WASF1: variants seen among roughly 807,000 people sequenced by gnomAD.
The protein encoded by WASF1 is actin-binding protein WASF1.
A neutral mutation model predicts 50.5 loss-of-function variants in WASF1; 7 were observed. That is an observed-to-expected ratio of 0.14 (90% CI 0.08 to 0.26). WASF1 has a LOEUF of 0.26. WASF1 is among the 10% of genes least tolerant of loss of function. The pLI is 1.00. For synonymous variants in WASF1, 205 were observed against 244.0 expected (o/e 0.84, Z 1.49); for missense variants, 470 against 694.7 (o/e 0.68, Z 3.64).
intron 4 of WASF1, among the ~76,000 whole-genome samples, chr6:110,120,806 C>T (rs1165156294): frequency 6.6e-6 from 1 of 152,174 alleles, no homozygotes; most frequent in Non-Finnish European, 1.5e-5. Context: ...GCTACAGTAA[C>T]CAAAACAGCA....
At chr6:110,138,415 G>A (rs1321035597) in intron 3 of WASF1, among the ~76,000 whole-genome samples, 1 of 152,256 alleles carries the variant, frequency 6.6e-6, no homozygotes, top group African/African-American at 2.4e-5. Flanking sequence ...AATGTGGCAA[G>A]TGAGGATCAT....
At chr6:110,115,415 C>T (rs1490922489) in intron 4 of WASF1, among the ~76,000 whole-genome samples, 2 of 151,808 alleles carry the variant, frequency 1.3e-5, no homozygotes, top group Non-Finnish European at 2.9e-5. Context: ...AACAAGAAGG[C>T]ATGGACAATG....
At chr6:110,107,655 T>C (rs919005594) in intron 6 of WASF1, among the ~76,000 whole-genome samples, 9 of 152,198 alleles carry the variant, frequency 5.9e-5, no homozygotes, top group African/African-American at 1.9e-4. Flanking sequence ...GTCACATTTA[T>C]ATCTAATTAT....
chr6:110,131,331 T>C (rs1478174939), intron 3 of WASF1, among the ~76,000 whole-genome samples: 1 of 152,216 alleles, frequency 6.6e-6, no homozygotes, highest in Non-Finnish European at 1.5e-5. Flanking sequence ...AATGGTGTGA[T>C]GTAGCAGTTA....
intron 4 of WASF1, among the ~76,000 whole-genome samples, chr6:110,124,264 CTCTCTCTCTCT>C (rs1562170372): frequency 3.7e-4 from 23 of 62,774 alleles, no homozygotes; most frequent in African/African-American, 1.8e-3. Context: ...CTCTCTCTCT[CTCTCTCTCTCT>C]ATATATATAT....
intron 2 of WASF1, among the ~76,000 whole-genome samples, chr6:110,163,456 G>C (rs1776344840): frequency 6.6e-6 from 1 of 151,444 alleles, no homozygotes. Flanking sequence ...AAGCTCGAGA[G>C]AGTGCTATGG....
At chr6:110,161,201 T>TTA (rs1287900548) in intron 2 of WASF1, among the ~76,000 whole-genome samples, 3 of 151,632 alleles carry the variant, frequency 2.0e-5, no homozygotes, top group African/African-American at 7.3e-5. Context: ...TTTACTTATG[T>TTA]TATAGTCTTT....
chr6:110,153,560 T>C (rs72934088), intron 3 of WASF1, among the ~76,000 whole-genome samples: 17,983 of 152,178 alleles, frequency 0.12, 1,385 homozygotes, highest in Non-Finnish European at 0.17. Flanking sequence ...GTCAATCTAC[T>C]GCATGTACAG....
chr6:110,153,290 G>C (rs1775905500), intron 3 of WASF1, among the ~76,000 whole-genome samples: 1 of 152,074 alleles, frequency 6.6e-6, no homozygotes, highest in Non-Finnish European at 1.5e-5. Context: ...GGTGAAGATA[G>C]GGAGCCAGGA....
chr6:110,122,040 C>T (rs769970908), intron 4 of WASF1, among the ~76,000 whole-genome samples: 4 of 119,016 alleles, frequency 3.4e-5, no homozygotes, highest in East Asian at 5.4e-4. Flanking sequence ...GTCGGAGGGT[C>T]GGGGGCTGGG....
At chr6:110,107,317 A>G in intron 6 of WASF1, 123 bp from the exon 7 acceptor site, 1 of 612,582 alleles carries the variant, frequency 1.6e-6, no homozygotes, top group South Asian at 2.5e-5. Context: ...AAATAGTGCC[A>G]AAATAAAACT....
chr6:110,125,887 A>G (rs1169245701), intron 4 of WASF1, among the ~76,000 whole-genome samples: 2 of 152,214 alleles, frequency 1.3e-5, no homozygotes, highest in Non-Finnish European at 2.9e-5. Flanking sequence ...TATGGACTAT[A>G]TAGACTTAAA....
intron 3 of WASF1, among the ~76,000 whole-genome samples, chr6:110,141,306 T>G (rs1346659353): frequency 6.6e-6 from 1 of 152,196 alleles, no homozygotes; most frequent in Non-Finnish European, 1.5e-5. Context: ...TATACTCTAA[T>G]TATTCTAAAT....
intron 3 of WASF1, among the ~76,000 whole-genome samples, chr6:110,143,016 T>C (rs1301241209): frequency 6.6e-6 from 1 of 151,346 alleles, no homozygotes; most frequent in East Asian, 1.9e-4. Flanking sequence ...TCCTGTGTTC[T>C]TATCAATTAA....
chr6:110,108,764 C>T, intron 5 of WASF1, 83 bp from the exon 6 acceptor site: 1 of 1,357,964 alleles, frequency 7.4e-7, no homozygotes, highest in Non-Finnish European at 1.0e-6. Context: ...CTTTATTTGT[C>T]TAAAAGTCAG....
intron 2 of WASF1, among the ~76,000 whole-genome samples, chr6:110,169,402 T>TTAAATTA (rs1449217968): frequency 2.0e-5 from 3 of 152,164 alleles, no homozygotes; most frequent in African/African-American, 7.2e-5. Context: ...CCAAATCACT[T>TTAAATTA]AGGATTTGAG....
intron 3 of WASF1, among the ~76,000 whole-genome samples, chr6:110,157,346 GCT>G (rs1776086227): frequency 3.0e-5 from 1 of 33,160 alleles, no homozygotes; most frequent in Non-Finnish European, 4.7e-5. Context: ...CCATGATCTG[GCT>G]CTCTGTTTGT....
At position 110,134,498 on chromosome 6, in the gene WASF1, C is replaced by T. The variant is rs910065958; in HGVS notation, c.-28-6869G>A. ...GGAGTGCGGTGGCACGATCTCAGCT[C>T]ACTGCAACCTCTGCCTCCTGGGTTC... is the stretch of plus-strand genomic sequence containing the variant. On this transcript the variant is annotated intron_variant, in intron 3 of 10. Coordinates refer to ENST00000392589, the MANE Select transcript of WASF1 (RefSeq NM_003931.3). Among the ~76,000 whole-genome samples the T allele has an allele frequency of 2.6e-4, 40 of 151,602 alleles. 1 individual carries two copies. Among genetic ancestry groups the T allele is most frequent in the Non-Finnish European group, 4.4e-5 (3 of 67,950 alleles).
At chr6:110,162,088 T>C (rs1193271417) in intron 2 of WASF1, among the ~76,000 whole-genome samples, 1 of 151,560 alleles carries the variant, frequency 6.6e-6, no homozygotes, top group African/African-American at 2.4e-5. Context: ...CTTCAGTGAA[T>C]ATATTTTAAG....
Sources: allele counts gnomAD v4.1 joint callset (sites outside exome capture counted in the v4.1 genomes callset), GRCh38; gene constraint gnomAD v4.1.1; transcripts MANE v1.5; gene names NCBI Gene and HGNC (gene_info 2026-07-23, HGNC 2026-07-21).